Variants in GABRG3 observed in about 807,000 individuals in gnomAD.
GABRG3 encodes the protein gamma-aminobutyric acid receptor subunit gamma-3.
In GABRG3, 25 loss-of-function variants were observed where a neutral mutation model predicts 48.8. The observed-to-expected ratio is 0.51, with a 90% CI of 0.37 to 0.72. The LOEUF (loss-of-function observed/expected upper bound fraction) is 0.72. GABRG3 is among the 30% of genes least tolerant of loss of function. The probability of loss-of-function intolerance (pLI) is 0.00; values close to 1 mark genes in which losing one functional copy is unlikely to be tolerated. For synonymous variants in GABRG3, 227 were observed against 217.6 expected, an observed-to-expected ratio of 1.04 and a Z score of -0.38; for missense variants, 394 against 577.9, an observed-to-expected ratio of 0.68 and a Z score of 3.26.
intron 3 of GABRG3, among the ~76,000 whole-genome samples, chr15:27,055,006 G>GTTTTTTTTTTTTTT (rs150102149): frequency 7.1e-6 from 1 of 141,150 alleles, no homozygotes; most frequent in African/African-American, 2.7e-5. Context: ...GCCAAGACCT[G>GTTTTTTTTTTTTTT]TTTTTTTTTT....
At position 27,396,687 on chromosome 15, in the gene GABRG3, G is replaced by A. The variant is rs151174640; in HGVS notation, c.574+67799G>A. Among the ~76,000 whole-genome samples, 3 of 152,294 alleles carry A rather than the reference G, an allele frequency of 2.0e-5. No homozygotes were observed. In the East Asian group the frequency reaches 5.8e-4, roughly 29 times the overall value. On this transcript the variant is annotated intron_variant, in intron 5 of 9. Coordinates refer to ENST00000615808, the MANE Select transcript of GABRG3 (RefSeq NM_033223.5). ...ACACACACAGACTTGTACATAAAAAGTGACAGCTGCTTTATTCATAATTGC... is the reference window on the plus strand; with the variant it reads ...ACACACACAGACTTGTACATAAAAAATGACAGCTGCTTTATTCATAATTGC...
chr15:27,351,730 ATATG>A (rs1894612338), intron 5 of GABRG3, among the ~76,000 whole-genome samples: 1 of 143,126 alleles, frequency 7.0e-6, no homozygotes, highest in African/African-American at 2.6e-5. Flanking sequence ...GTGTGTATAT[ATATG>A]TGTGTATGTA....
intron 2 of GABRG3, among the ~76,000 whole-genome samples, chr15:27,006,912 T>C: frequency 6.6e-6 from 1 of 151,924 alleles, no homozygotes; most frequent in East Asian, 2.0e-4. Flanking sequence ...CAATTGGGCT[T>C]ACTGCAGCCT....
At chr15:27,069,452 G>A (rs2889397) in intron 3 of GABRG3, among the ~76,000 whole-genome samples, 31,340 of 152,096 alleles carry the variant, frequency 0.21, 3,394 homozygotes, top group Middle Eastern at 0.27. Flanking sequence ...GCACTTCTAC[G>A]GTTCTACCGT....
intron 5 of GABRG3, 41 bp from the exon 6 acceptor site, chr15:27,480,609 A>G: frequency 6.6e-7 from 1 of 1,506,522 alleles, no homozygotes; most frequent in Non-Finnish European, 9.1e-7. Flanking sequence ...TGATTTATAA[A>G]TGTGTACCTT....
At position 27,480,870 on chromosome 15, in the gene GABRG3, C is replaced by A. The variant is rs559247266; in HGVS notation, c.712+83C>A. On this transcript the variant is annotated intron_variant, in intron 6 of 9. Transcript: ENST00000615808. ...TGTAGTCATATCCTTAATGTACAAG[C>A]CTTTTGGGCAACCATGATACATAAG... 4.6e-5 allele frequency: 70 copies of A among 1,523,280 alleles called. No homozygotes were observed. In the Middle Eastern group the frequency reaches 7.0e-4, roughly 15 times the overall value. 94.4% of individuals were successfully genotyped at this position (1,523,280 alleles called of 1,614,324 possible). A position where few individuals can be genotyped will look rare whatever the true frequency, so the allele number is the denominator to read the frequency against.
At chr15:27,418,264 G>A (rs1035139819) in intron 5 of GABRG3, among the ~76,000 whole-genome samples, 10 of 152,228 alleles carry the variant, frequency 6.6e-5, no homozygotes, top group African/African-American at 1.2e-4. Context: ...TTGCTCTGAT[G>A]TAGTGAGGGG....
At chr15:27,530,648 G>T (rs1891401295) in intron 9 of GABRG3, 1 of 470,918 alleles carries the variant, frequency 2.1e-6, no homozygotes, top group African/African-American at 2.0e-5. Flanking sequence ...GGCCTCCAAG[G>T]GTTGCCCTTT....
At chr15:27,377,715 C>T (rs950258210) in intron 5 of GABRG3, among the ~76,000 whole-genome samples, 1 of 152,146 alleles carries the variant, frequency 6.6e-6, no homozygotes, top group African/African-American at 2.4e-5. Flanking sequence ...CAGACACAGC[C>T]AAATCATACC....
At chr15:27,316,387 C>CAAAAAAAAAA (rs749930128) in intron 3 of GABRG3, among the ~76,000 whole-genome samples, 4 of 41,630 alleles carry the variant, frequency 9.6e-5, no homozygotes, top group African/African-American at 1.6e-4. Flanking sequence ...GACTCCGTCT[C>CAAAAAAAAAA]AAAAAAAAAA....
chr15:27,505,514 G>A (rs768661064), intron 6 of GABRG3, among the ~76,000 whole-genome samples: 15 of 152,020 alleles, frequency 9.9e-5, no homozygotes, highest in Non-Finnish European at 1.9e-4. Context: ...ATTATAAATG[G>A]ATGTTTCAAT....
intron 5 of GABRG3, among the ~76,000 whole-genome samples, chr15:27,388,266 GGAGGGAGGGT>G (rs1896071882): frequency 1.8e-5 from 1 of 57,126 alleles, no homozygotes; most frequent in Non-Finnish European, 3.4e-5. Context: ...AGGAAAGGAG[GGAGGGAGGGT>G]AAGGAAGGAA....
At chr15:27,173,637 A>G (rs1024462085) in intron 3 of GABRG3, among the ~76,000 whole-genome samples, 3 of 151,834 alleles carry the variant, frequency 2.0e-5, no homozygotes, top group Non-Finnish European at 4.4e-5. Flanking sequence ...TTGAGAGGCC[A>G]AAGCAGGAGG....
At chr15:27,235,883 A>T (rs1672599517) in intron 3 of GABRG3, among the ~76,000 whole-genome samples, 2 of 152,208 alleles carry the variant, frequency 1.3e-5, no homozygotes. Context: ...AGACCTCTCC[A>T]CTGATGAGTC....
intron 3 of GABRG3, among the ~76,000 whole-genome samples, chr15:27,294,108 C>T (rs1021315333): frequency 4.6e-5 from 7 of 152,062 alleles, no homozygotes; most frequent in African/African-American, 1.7e-4. Context: ...AAGAGCATTC[C>T]AGTAAGAAGG....
chr15:27,076,966 A>G (rs556786408), intron 3 of GABRG3, among the ~76,000 whole-genome samples: 21 of 152,302 alleles, frequency 1.4e-4, no homozygotes, highest in African/African-American at 4.6e-4. Context: ...TCCTTATGAA[A>G]AGTGAAGACA....
intron 3 of GABRG3, among the ~76,000 whole-genome samples, chr15:27,061,490 T>G (rs1896645040): frequency 6.6e-6 from 1 of 152,054 alleles, no homozygotes; most frequent in Admixed American, 6.6e-5. Context: ...ATTTTGCCCT[T>G]TCACTAGAAA....
intron 5 of GABRG3, among the ~76,000 whole-genome samples, chr15:27,421,816 A>G (rs1888125108): frequency 6.6e-6 from 1 of 151,884 alleles, no homozygotes; most frequent in African/African-American, 2.4e-5. Flanking sequence ...TAAGATATCC[A>G]TGGGAGTGGG....
rs1890031998 is a variant in GABRG3, at chr15:27,238,121, ACAGCAGC to A, written c.271-88687_271-88681del. On this transcript the variant is annotated intron_variant, in intron 3 of 9. Coordinates refer to ENST00000615808, the MANE Select transcript of GABRG3 (RefSeq NM_033223.5). ...CATCTTGAGATTCTGTGTCTCGCAG[ACAGCAGC>A]GGTGGCAGATTCTTGCTTCTTTTTT... 2.0e-5 allele frequency among the ~76,000 whole-genome samples: 2 copies of A among 100,176 alleles called. 1 individual carries two copies. The highest frequency in any genetic ancestry group is 5.4e-5 in the Non-Finnish European group (2 of 37,356). 65.7% of individuals were successfully genotyped at this position (100,176 alleles called of 152,430 possible). A position where few individuals can be genotyped will look rare whatever the true frequency, so the allele number is the denominator to read the frequency against.
Sources: gnomAD v4.1 joint callset for allele counts (sites outside exome capture counted in the v4.1 genomes callset) on GRCh38, gnomAD v4.1.1 for gene constraint, MANE v1.5 for transcripts, NCBI Gene and HGNC (gene_info 2026-07-23, HGNC 2026-07-21) for gene names.